Variants in SNTG2 observed in about 807,000 individuals in gnomAD.
SNTG2 encodes gamma-2-syntrophin.
In SNTG2, 74 loss-of-function variants were observed where a neutral mutation model predicts 70.9. That is an observed-to-expected ratio of 1.04 (90% CI 0.86 to 1.27). The LOEUF (loss-of-function observed/expected upper bound fraction) is 1.27, where lower values mean the gene tolerates loss of function less well. SNTG2 is among the 50% of genes most tolerant of loss of function. SNTG2 has a pLI of 0.00. For missense variants in SNTG2, 717 were observed against 690.7 expected (o/e 1.04, Z -0.43); for synonymous variants, 278 against 273.8 (o/e 1.02, Z -0.15).
At chr2:1,068,921 G>A (rs1320399781) in intron 1 of SNTG2, among the ~76,000 whole-genome samples, 1 of 152,166 alleles carries the variant, frequency 6.6e-6, no homozygotes. Context: ...GCCATGGTAG[G>A]GCCGTACTCA....
intron 16 of SNTG2, among the ~76,000 whole-genome samples, chr2:1,348,251 C>G (rs1331750024): frequency 6.6e-6 from 1 of 152,176 alleles, no homozygotes; most frequent in Non-Finnish European, 1.5e-5. Context: ...AGCCCCCCAG[C>G]CATCTGAATG....
At chr2:1,168,644 A>G (rs1292120007) in intron 7 of SNTG2, among the ~76,000 whole-genome samples, 1 of 152,198 alleles carries the variant, frequency 6.6e-6, no homozygotes, top group African/African-American at 2.4e-5. Context: ...CATTTTTCCC[A>G]TCGATCACAG....
intron 7 of SNTG2, 72 bp from the exon 8 acceptor site, chr2:1,173,020 A>C: frequency 7.3e-7 from 1 of 1,369,610 alleles, no homozygotes. Flanking sequence ...GGTAGAACTG[A>C]AGTCACTGCA....
chr2:1,364,941 G>A (rs925098908), intron 16 of SNTG2, among the ~76,000 whole-genome samples: 2 of 152,118 alleles, frequency 1.3e-5, no homozygotes, highest in South Asian at 4.2e-4. Context: ...AAACCCTGAA[G>A]CATGAATGAT....
At chr2:1,235,580 G>T (rs1196598838) in intron 9 of SNTG2, among the ~76,000 whole-genome samples, 2 of 112,514 alleles carry the variant, frequency 1.8e-5, no homozygotes, top group Admixed American at 1.6e-4. Flanking sequence ...CATGAGAGGG[G>T]GGACCCCTGC....
In SNTG2 at chr2:1,247,415, C is replaced by T. The variant is rs753223807; in HGVS notation, c.977C>T (p.Pro326Leu). Reference protein sequence around the residue: ...FRPKFLALKGPSFYVFSTPPV... With the variant: ...FRPKFLALKGLSFYVFSTPPV... ...CCCAAGTTCCTAGCACTGAAGGGCC[C>T]GTCCTTCTACGTTTTCAGCACTCCT... The change falls in exon 12 of 17, where the codon CCG becomes CTG. Residue 326 changes from proline to leucine, a missense_variant. Coordinates refer to ENST00000308624, the MANE Select transcript of SNTG2 (RefSeq NM_018968.4). 7.4e-6 allele frequency: 12 copies of T among 1,613,468 alleles called. No homozygotes were observed. The highest frequency in any genetic ancestry group is 3.3e-5 in the Admixed American group (2 of 60,012).
At chr2:1,181,286 AAGTGGT>A (rs1671878140) in intron 8 of SNTG2, among the ~76,000 whole-genome samples, 1 of 152,168 alleles carries the variant, frequency 6.6e-6, no homozygotes, top group Admixed American at 6.5e-5. Context: ...GTACCTAGCA[AAGTGGT>A]AATACTAGCA....
intron 4 of SNTG2, among the ~76,000 whole-genome samples, chr2:1,117,578 A>G (rs1667117713): frequency 6.6e-6 from 1 of 152,100 alleles, no homozygotes; most frequent in Non-Finnish European, 1.5e-5. Flanking sequence ...GGCTGAGCAG[A>G]TGAGGTAGCT....
intron 12 of SNTG2, among the ~76,000 whole-genome samples, chr2:1,253,373 C>A (rs551352273): frequency 4.4e-4 from 67 of 152,304 alleles, no homozygotes; most frequent in African/African-American, 1.6e-3. Context: ...CTGAATGATT[C>A]ACTATTGCCA....
At chr2:1,185,387 A>C (rs899204779) in intron 8 of SNTG2, among the ~76,000 whole-genome samples, 1 of 152,188 alleles carries the variant, frequency 6.6e-6, no homozygotes, top group South Asian at 2.1e-4. Context: ...TCAGCATCCC[A>C]GTAGAGACTC....
rs532635269 is a variant in SNTG2 at position 1,118,354 on chromosome 2, T to C, written c.326-19268T>C. ...CTTGCCACCAAGGACCCTAGACTTA[T>C]GCTGCCACCATCATTGTCCTGAATT... On this transcript the variant is annotated intron_variant, in intron 4 of 16. Transcript: ENST00000308624. Among the ~76,000 whole-genome samples, 52 of 152,234 alleles carry C rather than the reference T, an allele frequency of 3.4e-4. 1 individual carries two copies. Among genetic ancestry groups the C allele is most frequent in the African/African-American group, 1.2e-3 (50 of 41,530 alleles).
chr2:1,104,233 G>GT (rs1365123939), intron 4 of SNTG2, among the ~76,000 whole-genome samples: 1 of 152,090 alleles, frequency 6.6e-6, no homozygotes, highest in African/African-American at 2.4e-5. Flanking sequence ...TGGTTACGAC[G>GT]TTTTTTCATT....
chr2:1,197,370 C>T (rs1672971253), intron 8 of SNTG2, among the ~76,000 whole-genome samples: 1 of 149,882 alleles, frequency 6.7e-6, no homozygotes, highest in Admixed American at 6.7e-5. Context: ...AAAAAAAAGA[C>T]ACAAAGAAGA....
chr2:1,087,809 T>A (rs1247525202), intron 2 of SNTG2, among the ~76,000 whole-genome samples: 1 of 152,174 alleles, frequency 6.6e-6, no homozygotes, highest in African/African-American at 2.4e-5. Flanking sequence ...ACAACCAACG[T>A]GAAGGAAACC....
chr2:1,245,782 T>C (rs969944408), intron 11 of SNTG2, among the ~76,000 whole-genome samples: 1 of 152,162 alleles, frequency 6.6e-6, no homozygotes, highest in Admixed American at 6.5e-5. Flanking sequence ...GAGGAGTAAA[T>C]TACACATCAG....
At chr2:1,080,925 A>G (rs530116873) in intron 1 of SNTG2, among the ~76,000 whole-genome samples, 1 of 152,260 alleles carries the variant, frequency 6.6e-6, no homozygotes, top group East Asian at 1.9e-4. Context: ...TGCAGGAATC[A>G]TTACCGAGAA....
chr2:1,142,796 A>G (rs1200262488), intron 6 of SNTG2, among the ~76,000 whole-genome samples: 1 of 152,212 alleles, frequency 6.6e-6, no homozygotes, highest in Non-Finnish European at 1.5e-5. Context: ...ATATTAATAC[A>G]TTTGGTCTAA....
chr2:1,193,024 C>T (rs999373369), intron 8 of SNTG2, among the ~76,000 whole-genome samples: 2 of 152,188 alleles, frequency 1.3e-5, no homozygotes, highest in Non-Finnish European at 2.9e-5. Flanking sequence ...CTGGAGACCC[C>T]TCTATGAGGG....
At chr2:1,270,387 C>G (rs1678957464) in intron 14 of SNTG2, among the ~76,000 whole-genome samples, 1 of 152,158 alleles carries the variant, frequency 6.6e-6, no homozygotes, top group South Asian at 2.1e-4. Flanking sequence ...AGTCAAACGC[C>G]TAATACTCTA....
Sources: gnomAD v4.1 joint callset for allele counts (sites outside exome capture counted in the v4.1 genomes callset) on GRCh38, gnomAD v4.1.1 for gene constraint, MANE v1.5 for transcripts, NCBI Gene and HGNC (gene_info 2026-07-23, HGNC 2026-07-21) for gene names.